The following IFT122 variants were observed in gnomAD, a reference collection of about 807,000 sequenced individuals.
IFT122 encodes the protein intraflagellar transport protein 122 homolog.
In IFT122, 118 loss-of-function variants were observed where a neutral mutation model predicts 161.6. The observed-to-expected ratio is 0.73, with a 90% confidence interval of 0.63 to 0.85. IFT122 has a LOEUF of 0.85. IFT122 is among the 40% of genes least tolerant of loss of function. The pLI is 0.00. For missense variants in IFT122, 1,381 were observed against 1,579.6 expected, an observed-to-expected ratio of 0.87 and a Z score of 2.13; for synonymous variants, 550 against 602.4, an observed-to-expected ratio of 0.91 and a Z score of 1.27.
intron 9 of IFT122, among the ~76,000 whole-genome samples, chr3:129,471,139 T>G (rs143445689): frequency 2.0e-5 from 3 of 152,206 alleles, no homozygotes. Flanking sequence ...ATGCAACCTG[T>G]GCAGTGAAGC....
At chr3:129,497,870 G>A (rs2081072579) in intron 18 of IFT122, among the ~76,000 whole-genome samples, 2 of 152,130 alleles carry the variant, frequency 1.3e-5, no homozygotes, top group Non-Finnish European at 2.9e-5. Context: ...ATTCAATCTG[G>A]TTTTCAGAAA....
At position 129,507,704 on chromosome 3, in the gene IFT122, A is replaced by G. The variant is rs776099605; in HGVS notation, c.2828A>G (p.Tyr943Cys). ...AQKDTMLGKF[Y>C]HFQRLAELYH... ...AAGGACACAATGCTTGGCAAGTTCT[A>G]CCACTTCCAGCGTTTGGCAGAGCTG... The change falls in exon 23 of 30, where the codon TAC becomes TGC. Residue 943 changes from tyrosine to cysteine, a missense_variant. Around this residue, in one of 7 missense-constraint regions of IFT122, gnomAD observed 496 missense variants for 502.5 expected, o/e 0.99. Transcript: ENST00000348417. 4 of 1,614,110 alleles carry G rather than the reference A, an allele frequency of 2.5e-6. No individual in the cohort carries two copies. Among genetic ancestry groups the G allele is most frequent in the East Asian group, 2.2e-5 (1 of 44,868 alleles).
intron 16 of IFT122, 113 bp from the exon 17 acceptor site, chr3:129,492,028 C>A (rs1193593631): frequency 1.2e-6 from 1 of 821,618 alleles, no homozygotes; most frequent in Non-Finnish European, 2.2e-6. Flanking sequence ...TTGCTCCCTT[C>A]CTCTCCTCTG....
Position 129,479,829 on chromosome 3 carries a change from G to C in IFT122, c.1395G>C (p.Arg465=). The C allele has an allele frequency of 6.2e-7, 1 of 1,614,056 alleles. No individual in the cohort carries two copies. Among genetic ancestry groups the C allele is most frequent in the Non-Finnish European group, 8.5e-7 (1 of 1,180,020 alleles). Residue 465 remains arginine (R), a synonymous_variant, in exon 13 of 30, where the codon CGG becomes CGC. Coordinates refer to ENST00000348417, the MANE Select transcript of IFT122 (RefSeq NM_052989.3). ...QCLSFSGVKE[R]EWQMESLIRY... is the part of the protein sequence containing the mutation. ...TGTCCTTCAGCGGAGTGAAGGAGCG[G>C]GAGTGGCAGATGGAGTCTCTCATTC... is the stretch of plus-strand genomic sequence containing the variant.
At position 129,507,715 on chromosome 3, in the gene IFT122, C is replaced by T. The variant is rs773215307; in HGVS notation, c.2839C>T (p.Arg947Cys). Residue 947 changes from arginine (R) to cysteine (C), a missense_variant, in exon 23 of 30, where the codon CGT becomes TGT. By Grantham distance (180) the Arg-to-Cys change is radical (BLOSUM62 -3). Around this residue, in one of 7 missense-constraint regions of IFT122, gnomAD observed 496 missense variants for 502.5 expected, o/e 0.99. Coordinates refer to ENST00000348417, the MANE Select transcript of IFT122 (RefSeq NM_052989.3). ...TMLGKFYHFQRLAELYHGYHA... is the reference protein window; with the variant it reads ...TMLGKFYHFQCLAELYHGYHA... Reference sequence around the variant, plus strand: ...GCTTGGCAAGTTCTACCACTTCCAGCGTTTGGCAGAGCTGTACCATGGTTA... The same window carrying T: ...GCTTGGCAAGTTCTACCACTTCCAGTGTTTGGCAGAGCTGTACCATGGTTA... 21 of 1,614,038 alleles carry T rather than the reference C, an allele frequency of 1.3e-5. No individual in the cohort carries two copies. Among genetic ancestry groups the T allele is most frequent in the African/African-American group, 5.3e-5 (4 of 74,946 alleles).
chr3:129,476,945 CT>C lies in IFT122; in HGVS notation c.1147+160del, dbSNP rs952499116. On this transcript the variant is annotated intron_variant, in intron 11 of 29. Transcript: ENST00000348417. ...AGCCACTGGGTCTGTGTCTTGTTTT[CT>C]TTTTTTTTTTTTTTTGGTGGGGGAA... 92,907 of 614,014 alleles carry C rather than the reference CT, an allele frequency of 0.15. 1 individual carries two copies. Among genetic ancestry groups the C allele is most frequent in the East Asian group, 0.18 (5,718 of 31,472 alleles). The allele number at this position is 614,014 out of a possible 1,614,324, so 38.0% of individuals were successfully genotyped here. A position where few individuals can be genotyped will look rare whatever the true frequency, so the allele number is the denominator to read the frequency against.
At position 129,468,437 on chromosome 3, in the gene IFT122, G is replaced by A. The variant is rs140469472; in HGVS notation, c.741-905G>A. Among the ~76,000 whole-genome samples, 983 of 152,048 alleles carry A rather than the reference G, an allele frequency of 6.5e-3. 7 individuals carry two copies. The highest frequency in any genetic ancestry group is 0.022 in the African/African-American group (926 of 41,456). Reference sequence around the variant, plus strand: ...CGGCTCACTGCAACTTCCGCCTCCCGGGTTCTAAGCGATTCTTGTGCCTCA... The same window carrying A: ...CGGCTCACTGCAACTTCCGCCTCCCAGGTTCTAAGCGATTCTTGTGCCTCA... On this transcript the variant is annotated intron_variant, in intron 8 of 29. Transcript: ENST00000348417.
At chr3:129,516,964 ACACACACACACACAGACTGCCCCTG>A (rs2083911533) in intron 26 of IFT122, among the ~76,000 whole-genome samples, 13 of 93,748 alleles carry the variant, frequency 1.4e-4, no homozygotes, top group Admixed American at 1.3e-3. Context: ...GACTGCCCCT[ACACACACACACACAGACTGCCCCTG>A]CACACACACA....
At chr3:129,491,859 C>A (rs1432516405) in intron 16 of IFT122, among the ~76,000 whole-genome samples, 2 of 152,168 alleles carry the variant, frequency 1.3e-5, no homozygotes, top group Admixed American at 1.3e-4. Context: ...AAGGAGGCAC[C>A]GCCACAGACT....
At position 129,493,578 on chromosome 3, in the gene IFT122, A is replaced by C. The variant is rs2080417575; in HGVS notation, c.2046+1384A>C. Among the ~76,000 whole-genome samples the C allele has an allele frequency of 3.3e-5, 5 of 152,208 alleles. No individual in the cohort carries two copies. The South Asian group carries it at 1.0e-3, about 31-fold the overall frequency. ...ATAGCCAAAAACTTGGTGGAATTCAAGCCCAGTCTATTTCCTAAGCTCATG... is the reference window on the plus strand; with the variant it reads ...ATAGCCAAAAACTTGGTGGAATTCACGCCCAGTCTATTTCCTAAGCTCATG... On this transcript the variant is annotated intron_variant, in intron 17 of 29. Coordinates refer to ENST00000348417, the MANE Select transcript of IFT122 (RefSeq NM_052989.3).
intron 1 of IFT122, among the ~76,000 whole-genome samples, chr3:129,448,153 G>A (rs954588861): frequency 6.6e-6 from 1 of 152,080 alleles, no homozygotes; most frequent in Non-Finnish European, 1.5e-5. Context: ...TTAAAATGCT[G>A]TTGAAGCGGC....
Position 129,507,773 on chromosome 3 carries a change from TGGG to T in IFT122, c.2886+12_2886+14del. 6.2e-7 allele frequency: 1 copy of T among 1,603,488 alleles called. No individual in the cohort carries two copies. Among genetic ancestry groups the T allele is most frequent in the Non-Finnish European group, 8.5e-7 (1 of 1,170,428 alleles). On this transcript the variant is annotated intron_variant, in intron 23 of 29. Coordinates refer to ENST00000348417, the MANE Select transcript of IFT122 (RefSeq NM_052989.3). ...ATCCATCGCCACACGGTAAGGTGGC[TGGG>T]TCACCAGCACCTGAGGGTACCATCT...
intron 27 of IFT122, among the ~76,000 whole-genome samples, chr3:129,518,560 A>G (rs1255416845): frequency 1.3e-5 from 2 of 152,104 alleles, no homozygotes; most frequent in African/African-American, 4.8e-5. Context: ...GCCACAGATG[A>G]TATGTGCTAT....
intron 18 of IFT122, among the ~76,000 whole-genome samples, chr3:129,497,374 C>T (rs1282598678): frequency 6.6e-6 from 1 of 152,248 alleles, no homozygotes; most frequent in African/African-American, 2.4e-5. Flanking sequence ...CCAAACCTCC[C>T]TTCCCTTCTC....
In IFT122 at chr3:129,460,740, A is replaced by G. The variant is rs917652052; in HGVS notation, c.273-488A>G. The G allele has an allele frequency of 9.9e-5, 82 of 825,108 alleles. No homozygotes were observed. The African/African-American group carries it at 1.2e-3, about 12-fold the overall frequency. The allele number at this position is 825,108 out of a possible 1,614,324, so 51.1% of individuals were successfully genotyped here. ...TTTGAAGGAATGAATGAATGAGTGA[A>G]GTTGTAAGTAAAGTATTACCCACAA... On this transcript the variant is annotated intron_variant, in intron 4 of 29. Coordinates refer to ENST00000348417, the MANE Select transcript of IFT122 (RefSeq NM_052989.3).
intron 13 of IFT122, 105 bp downstream of exon 13, chr3:129,480,027 C>A: frequency 7.3e-7 from 1 of 1,373,168 alleles, no homozygotes; most frequent in Non-Finnish European, 1.0e-6. Context: ...AGGAAAAGGG[C>A]TTCTCTCCTC....
In IFT122 at chr3:129,517,297, CACACAG is replaced by C. The variant is rs142546191; in HGVS notation, c.3266-170_3266-165del. ...ACACACACACACACACACACACACA[CACACAG>C]AGACTGCTCCTGCACACACATACAG... On this transcript the variant is annotated intron_variant, in intron 26 of 29. Coordinates refer to ENST00000348417, the MANE Select transcript of IFT122 (RefSeq NM_052989.3). 0.074 allele frequency among the ~76,000 whole-genome samples: 11,056 copies of C among 150,370 alleles called. 450 individuals carry two copies. The highest frequency in any genetic ancestry group is 0.12 in the South Asian group (568 of 4,736).
intron 3 of IFT122, among the ~76,000 whole-genome samples, chr3:129,454,186 A>G (rs141985618): frequency 1.4e-4 from 22 of 152,250 alleles, no homozygotes; most frequent in African/African-American, 5.3e-4. Flanking sequence ...TTTTAGTCTG[A>G]TTAGTCCAGT....
At chr3:129,454,057 G>A (rs2075161848) in intron 3 of IFT122, among the ~76,000 whole-genome samples, 1 of 152,192 alleles carries the variant, frequency 6.6e-6, no homozygotes, top group Admixed American at 6.5e-5. Flanking sequence ...GATTATTCCA[G>A]TCCCAGGTTT....
Sources: gnomAD v4.1 joint callset for allele counts (sites outside exome capture counted in the v4.1 genomes callset) on GRCh38, gnomAD v4.1.1 for gene constraint, gnomAD v4.1.1 regional missense constraint, MANE v1.5 for transcripts, NCBI Gene and HGNC (gene_info 2026-07-23, HGNC 2026-07-21) for gene names.